The following MTA3 variants were observed in gnomAD, a reference collection of about 807,000 sequenced individuals.
MTA3 encodes the protein metastasis associated 1 family member 3.
A neutral mutation model predicts 83.5 loss-of-function variants in MTA3; 34 were observed. The observed-to-expected ratio is 0.41, with a 90% CI of 0.31 to 0.54. The LOEUF (loss-of-function observed/expected upper bound fraction) is 0.54, where lower values mean the gene tolerates loss of function less well. Ranked by LOEUF, MTA3 falls within the 20% of genes least tolerant of loss-of-function variation. The pLI is 0.33. For synonymous variants in MTA3, 303 were observed against 252.7 expected, an observed-to-expected ratio of 1.20 and a Z score of -1.89; for missense variants, 761 against 726.4, an observed-to-expected ratio of 1.05 and a Z score of -0.55.
intron 4 of MTA3, among the ~76,000 whole-genome samples, chr2:42,616,126 TCTCGG>T (rs1356788381): frequency 1.3e-5 from 2 of 151,558 alleles, no homozygotes; most frequent in Non-Finnish European, 2.9e-5. Flanking sequence ...AGTGGTGTGA[TCTCGG>T]CTCACTGCAA....
At chr2:42,656,484 T>A (rs1395428393) in intron 7 of MTA3, among the ~76,000 whole-genome samples, 182 bp downstream of exon 7, 1 of 152,158 alleles carries the variant, frequency 6.6e-6, no homozygotes, top group South Asian at 2.1e-4. Flanking sequence ...CTGTTTTAAA[T>A]GAAAATAGTT....
intron 2 of MTA3, among the ~76,000 whole-genome samples, chr2:42,556,229 C>T (rs1030766819): frequency 6.6e-6 from 1 of 152,156 alleles, no homozygotes; most frequent in African/African-American, 2.4e-5. Context: ...TATCTCCCCT[C>T]CTGTACTCCT....
chr2:42,735,533 T>C (rs1314708973), intron 16 of MTA3, among the ~76,000 whole-genome samples: 3 of 152,190 alleles, frequency 2.0e-5, no homozygotes, highest in African/African-American at 7.2e-5. Context: ...TTTTCTGTTA[T>C]CCCTTTGAAT....
At chr2:42,501,512 A>G (rs528728629) in intron 2 of MTA3, among the ~76,000 whole-genome samples, 1 of 152,278 alleles carries the variant, frequency 6.6e-6, no homozygotes, top group East Asian at 1.9e-4. Flanking sequence ...CACTCCTAAC[A>G]CTGTAGCTTC....
intron 3 of MTA3, among the ~76,000 whole-genome samples, chr2:42,594,040 CT>C (rs780110875): frequency 7.9e-5 from 12 of 151,450 alleles, no homozygotes; most frequent in Non-Finnish European, 1.0e-4. Context: ...CAACTTCCCC[CT>C]GTCAGGTTCA....
At chr2:42,690,856 T>TTTTATTTATTTA (rs35037034) in intron 9 of MTA3, among the ~76,000 whole-genome samples, 1,497 of 136,144 alleles carry the variant, frequency 0.011, 9 homozygotes, top group African/African-American at 0.013. Flanking sequence ...TGTATTTTTA[T>TTTTATTTATTTA]TTTATTTATT....
At position 42,754,798 on chromosome 2, in the gene MTA3, C is replaced by G. The variant is rs1670127189; in HGVS notation, c.*1399C>G. On this transcript the variant is annotated 3_prime_UTR_variant, in exon 17 of 17. Transcript: ENST00000405094. ...TGACACCCTGGGAAGCACGAGGTAA[C>G]TTGGTAAGGATAATGATGCTGTAGA... The G allele has an allele frequency of 1.0e-6, 1 of 985,374 alleles. No individual in the cohort carries two copies. The highest frequency in any genetic ancestry group is 1.7e-5 in the African/African-American group (1 of 57,234). 61.0% of individuals were successfully genotyped at this position (985,374 alleles called of 1,614,324 possible).
At chr2:42,537,361 C>T (rs890278316) in intron 2 of MTA3, among the ~76,000 whole-genome samples, 19 of 151,926 alleles carry the variant, frequency 1.3e-4, no homozygotes, top group African/African-American at 3.6e-4. Flanking sequence ...GTCAGGGGTT[C>T]GAGACCAGCC....
At position 42,619,280 on chromosome 2, in the gene MTA3, C is replaced by T. The variant is rs114789436; in HGVS notation, c.317+9696C>T. 3.9e-3 allele frequency among the ~76,000 whole-genome samples: 590 copies of T among 152,238 alleles called. 8 individuals carry two copies. Among genetic ancestry groups the T allele is most frequent in the African/African-American group, 0.013 (535 of 41,554 alleles). On this transcript the variant is annotated intron_variant, in intron 4 of 16. Transcript: ENST00000405094. ...AAAGAGCACTCATGAAAAAACTAACCCAGTGTCACTGTTTTGGAATAGACA... is the reference window on the plus strand; with the variant it reads ...AAAGAGCACTCATGAAAAAACTAACTCAGTGTCACTGTTTTGGAATAGACA...
chr2:42,666,999 C>G (rs559494199), intron 8 of MTA3, among the ~76,000 whole-genome samples: 1 of 152,186 alleles, frequency 6.6e-6, no homozygotes, highest in Admixed American at 6.5e-5. Context: ...TTTATTATAT[C>G]CCCAGAGCTG....
At chr2:42,524,426 G>A (rs553121539) in intron 2 of MTA3, among the ~76,000 whole-genome samples, 8 of 149,076 alleles carry the variant, frequency 5.4e-5, no homozygotes, top group African/African-American at 2.0e-4. Flanking sequence ...TCAGCCTCTC[G>A]AGTAGCTGGG....
At chr2:42,563,506 G>A (rs568455154) in intron 2 of MTA3, among the ~76,000 whole-genome samples, 1 of 151,868 alleles carries the variant, frequency 6.6e-6, no homozygotes, top group East Asian at 1.9e-4. Context: ...CTCACTTTTC[G>A]CCCAGGCTGG....
chr2:42,495,876 G>C (rs551953146), intron 2 of MTA3, among the ~76,000 whole-genome samples: 1 of 152,314 alleles, frequency 6.6e-6, no homozygotes, highest in African/African-American at 2.4e-5. Context: ...TCTGTTCTGA[G>C]AAACGCTGAG....
intron 3 of MTA3, among the ~76,000 whole-genome samples, chr2:42,595,870 T>C (rs993771508): frequency 1.4e-4 from 22 of 152,196 alleles, no homozygotes; most frequent in African/African-American, 5.3e-4. Flanking sequence ...TGCTTTTACA[T>C]GTAAGTCCAT....
chr2:42,699,422 C>T (rs956218535), intron 11 of MTA3, among the ~76,000 whole-genome samples: 1 of 152,060 alleles, frequency 6.6e-6, no homozygotes, highest in Non-Finnish European at 1.5e-5. Flanking sequence ...TTCTCATGAA[C>T]AGTGGAAGTT....
chr2:42,669,413 T>G (rs1239912301), intron 8 of MTA3, among the ~76,000 whole-genome samples: 1 of 152,082 alleles, frequency 6.6e-6, no homozygotes, highest in African/African-American at 2.4e-5. Flanking sequence ...GATTAGCATT[T>G]TAGATATCAA....
chr2:42,626,704 G>A (rs1686135789), intron 4 of MTA3, among the ~76,000 whole-genome samples: 1 of 152,004 alleles, frequency 6.6e-6, no homozygotes, highest in African/African-American at 2.4e-5. Flanking sequence ...ATCCTGGATA[G>A]GTCAGTTCCA....
At chr2:42,696,730 C>T (rs531485708) in intron 10 of MTA3, among the ~76,000 whole-genome samples, 2 of 152,160 alleles carry the variant, frequency 1.3e-5, no homozygotes, top group East Asian at 3.9e-4. Context: ...CATAACAAGA[C>T]CCTGTCTCTA....
intron 3 of MTA3, among the ~76,000 whole-genome samples, chr2:42,605,668 A>G (rs1298219654): frequency 2.8e-5 from 2 of 71,428 alleles, no homozygotes; most frequent in Non-Finnish European, 2.9e-5. Context: ...CGGGGGGCTG[A>G]CCCCCCCACC....
Sources: gnomAD v4.1 joint callset for allele counts (sites outside exome capture counted in the v4.1 genomes callset) on GRCh38, gnomAD v4.1.1 for gene constraint, MANE v1.5 for transcripts, NCBI Gene and HGNC (gene_info 2026-07-23, HGNC 2026-07-21) for gene names.